Variants in ZRANB3 observed in about 807,000 individuals in gnomAD.
ZRANB3 encodes the protein zinc finger RANBP2-type containing 3, also known as DNA annealing helicase and endonuclease ZRANB3.
Under a neutral mutation model 133.8 loss-of-function variants are expected in ZRANB3, and 125 were observed. That is an observed-to-expected ratio of 0.93 (90% CI 0.81 to 1.08). ZRANB3 has a LOEUF of 1.08. ZRANB3 is among the 50% of genes least tolerant of loss of function. ZRANB3 has a pLI of 0.00. For synonymous variants in ZRANB3, 387 were observed against 432.7 expected (o/e 0.89, Z 1.31); for missense variants, 1,229 against 1,275.5 (o/e 0.96, Z 0.56).
chr2:135,309,771 A>C (rs2104819571), intron 8 of ZRANB3, among the ~76,000 whole-genome samples: 1 of 152,354 alleles, frequency 6.6e-6, no homozygotes, highest in South Asian at 2.1e-4. Context: ...ATTCAGAAGT[A>C]AATTCTTCCA....
At chr2:135,492,608 T>G (rs778100472) in intron 2 of ZRANB3, among the ~76,000 whole-genome samples, 5 of 152,188 alleles carry the variant, frequency 3.3e-5, no homozygotes, top group African/African-American at 1.2e-4. Context: ...TCTTTTAAAA[T>G]GTAGCACCAG....
At chr2:135,202,084 T>C (rs10194901) in intron 20 of ZRANB3, among the ~76,000 whole-genome samples, 1,535 of 152,278 alleles carry the variant, frequency 0.01, 20 homozygotes, top group African/African-American at 0.034. Context: ...TATTAATCAG[T>C]ATGGGAATGG....
chr2:135,260,233 A>G lies in ZRANB3; in HGVS notation c.1539+5301T>C, dbSNP rs573955223. On this transcript the variant is annotated intron_variant, in intron 12 of 20. Transcript: ENST00000264159. ...AATCAAAACACCTCAAAGCCAAAAT[A>G]GTACTTAGAAGTCAGACACATTCAG... Among the ~76,000 whole-genome samples, 22 of 152,310 alleles carry G rather than the reference A, an allele frequency of 1.4e-4. No individual in the cohort carries two copies. The South Asian group carries it at 4.6e-3, about 32-fold the overall frequency.
At chr2:135,345,778 T>A (rs1684891923) in intron 5 of ZRANB3, 143 bp from the exon 6 acceptor site, 1 of 611,156 alleles carries the variant, frequency 1.6e-6, no homozygotes, top group East Asian at 2.8e-5. Context: ...CTACTATTCA[T>A]CAGGGATAAC....
chr2:135,253,114 A>G (rs1231474575), intron 12 of ZRANB3, among the ~76,000 whole-genome samples: 1 of 152,256 alleles, frequency 6.6e-6, no homozygotes, highest in East Asian at 1.9e-4. Flanking sequence ...AGTGCCTGAT[A>G]GTACCAAAGT....
In ZRANB3 at chr2:135,350,111, A is replaced by G. The variant is rs751489554; in HGVS notation, c.464T>C (p.Ile155Thr). ...ALNNQNFKVV[I>T]VDESHYMKSR... ...TTTCATGTAGTGTGATTCATCCACTATAACTACTTTGAAGTTCTGATTATT... is the reference window on the plus strand; with the variant it reads ...TTTCATGTAGTGTGATTCATCCACTGTAACTACTTTGAAGTTCTGATTATT... Residue 155 changes from isoleucine to threonine, a missense_variant, in exon 5 of 21, where the codon ATA becomes ACA. Coordinates refer to ENST00000264159, the MANE Select transcript of ZRANB3 (RefSeq NM_032143.4). 6 of 1,613,842 alleles carry G rather than the reference A, an allele frequency of 3.7e-6. No individual in the cohort carries two copies. Among genetic ancestry groups the G allele is most frequent in the Non-Finnish European group, 4.2e-6 (5 of 1,179,860 alleles).
chr2:135,262,159 CA>C (rs755264566), intron 12 of ZRANB3, among the ~76,000 whole-genome samples: 12,149 of 63,802 alleles, frequency 0.19, 261 homozygotes, highest in South Asian at 0.32. Context: ...ACTCCATCTC[CA>C]AAAAAAAAAA....
At chr2:135,258,313 G>A (rs1405837367) in intron 12 of ZRANB3, among the ~76,000 whole-genome samples, 1 of 152,126 alleles carries the variant, frequency 6.6e-6, no homozygotes, top group Non-Finnish European at 1.5e-5. Flanking sequence ...GAAGTAAAAA[G>A]GGCTCCCTGG....
At chr2:135,400,466 C>A (rs1429862859) in intron 2 of ZRANB3, among the ~76,000 whole-genome samples, 1 of 152,008 alleles carries the variant, frequency 6.6e-6, no homozygotes, top group Non-Finnish European at 1.5e-5. Context: ...CTGCCTCAGC[C>A]TCCCAAGTAG....
At chr2:135,477,179 T>C (rs561936175) in intron 2 of ZRANB3, among the ~76,000 whole-genome samples, 1 of 152,332 alleles carries the variant, frequency 6.6e-6, no homozygotes, top group East Asian at 1.9e-4. Context: ...TGTGTAAATA[T>C]ACATACACAT....
At chr2:135,446,768 G>A (rs779121966) in intron 2 of ZRANB3, among the ~76,000 whole-genome samples, 14 of 152,170 alleles carry the variant, frequency 9.2e-5, no homozygotes, top group South Asian at 2.1e-4. Context: ...AAGGTGTAGC[G>A]TTTGGAAGGA....
intron 2 of ZRANB3, among the ~76,000 whole-genome samples, chr2:135,480,078 C>G (rs1192291301): frequency 1.3e-5 from 2 of 151,116 alleles, no homozygotes; most frequent in Non-Finnish European, 1.5e-5. Context: ...GGACTACAGG[C>G]GCCCGCCACC....
At chr2:135,525,810 T>G (rs1694133064) in intron 1 of ZRANB3, among the ~76,000 whole-genome samples, 1 of 144,866 alleles carries the variant, frequency 6.9e-6, no homozygotes, top group Non-Finnish European at 1.5e-5. Flanking sequence ...ATCACACCAT[T>G]GCACTCTGGC....
intron 20 of ZRANB3, among the ~76,000 whole-genome samples, chr2:135,200,743 C>A (rs1045780860): frequency 1.1e-4 from 16 of 148,986 alleles, no homozygotes; most frequent in Admixed American, 8.8e-4. Flanking sequence ...TTCTCCCATC[C>A]AAGTGGGAGG....
intron 6 of ZRANB3, among the ~76,000 whole-genome samples, chr2:135,327,975 CTTT>C (rs2104842844): frequency 6.6e-6 from 1 of 152,106 alleles, no homozygotes; most frequent in African/African-American, 2.4e-5. Flanking sequence ...ATTCATCCTT[CTTT>C]ATGTACTTAA....
In ZRANB3 at chr2:135,462,968, A is replaced by T. The variant is rs1202101042; in HGVS notation, c.161+41361T>A. Among the ~76,000 whole-genome samples the T allele has an allele frequency of 2.6e-5, 4 of 152,180 alleles. No individual in the cohort carries two copies. In the East Asian group the frequency reaches 7.7e-4, roughly 29 times the overall value. On this transcript the variant is annotated intron_variant, in intron 2 of 20. Transcript: ENST00000264159. Reference sequence around the variant, plus strand: ...AACTCTTCCCTCCTCAGAGGAAACTAATTGAAATGTCATGTGAACCAAAGT... The same window carrying T: ...AACTCTTCCCTCCTCAGAGGAAACTTATTGAAATGTCATGTGAACCAAAGT...
chr2:135,271,113 G>A (rs1680490322), intron 10 of ZRANB3, among the ~76,000 whole-genome samples: 1 of 152,230 alleles, frequency 6.6e-6, no homozygotes, highest in African/African-American at 2.4e-5. Context: ...TTAGACTGCA[G>A]ATAAGATGGA....
intron 9 of ZRANB3, among the ~76,000 whole-genome samples, chr2:135,273,592 A>G (rs909521938): frequency 1.3e-5 from 2 of 151,956 alleles, no homozygotes; most frequent in Non-Finnish European, 2.9e-5. Flanking sequence ...CTGGAGTGCA[A>G]TGGCGGGATC....
chr2:135,502,356 T>C (rs1204012310), intron 2 of ZRANB3, among the ~76,000 whole-genome samples: 1 of 152,244 alleles, frequency 6.6e-6, no homozygotes, highest in Non-Finnish European at 1.5e-5. Context: ...TTGCTACATG[T>C]ATCCATATTT....
Sources: gnomAD v4.1 joint callset for allele counts (sites outside exome capture counted in the v4.1 genomes callset) on GRCh38, gnomAD v4.1.1 for gene constraint, MANE v1.5 for transcripts, NCBI Gene and HGNC (gene_info 2026-07-23, HGNC 2026-07-21) for gene names.